The following ZNF627 variants were observed in gnomAD, a reference collection of about 807,000 sequenced individuals.
ZNF627 encodes zinc finger protein 627.
A neutral mutation model predicts 10.6 loss-of-function variants in ZNF627; 12 were observed. The ratio of observed to expected loss-of-function variants is 1.13; its 90% CI spans 0.73 to 1.84. The LOEUF (loss-of-function observed/expected upper bound fraction) is 1.84. ZNF627 is among the 40% of genes most tolerant of loss of function. The pLI, the probability that ZNF627 is intolerant of heterozygous loss-of-function variation, is 0.00. For synonymous variants in ZNF627, 176 were observed against 187.1 expected, an observed-to-expected ratio of 0.94 and a Z score of 0.48; for missense variants, 504 against 568.4, an observed-to-expected ratio of 0.89 and a Z score of 1.15.
chr19:11,610,662 T>C (rs1456909338), intron 1 of ZNF627, among the ~76,000 whole-genome samples: 1 of 152,132 alleles, frequency 6.6e-6, no homozygotes, highest in Non-Finnish European at 1.5e-5. Flanking sequence ...CAGGGCAACT[T>C]GAATCTGTAC....
chr19:11,617,519 T>C lies in ZNF627; in HGVS notation c.1016T>C (p.Val339Ala). Reference sequence around the variant, plus strand: ...GGCAATGGACCTTATAAATGTAAGGTGTGTGGGAAAGCCTTTGATTTCCCC... The same window carrying C: ...GGCAATGGACCTTATAAATGTAAGGCGTGTGGGAAAGCCTTTGATTTCCCC... ...HTGNGPYKCK[V>A]CGKAFDFPSS... The change falls in exon 4 of 4, where the codon GTG becomes GCG. Residue 339 changes from valine (V) to alanine (A), a missense_variant. Val to Ala is a moderately conservative substitution (Grantham distance 64). Coordinates refer to ENST00000361113, the MANE Select transcript of ZNF627 (RefSeq NM_145295.4). The C allele has an allele frequency of 6.2e-7, 1 of 1,613,204 alleles. No individual in the cohort carries two copies. Among genetic ancestry groups the C allele is most frequent in the Non-Finnish European group, 8.5e-7 (1 of 1,179,778 alleles).
At chr19:11,609,648 G>C (rs1329928546) in intron 1 of ZNF627, among the ~76,000 whole-genome samples, 1 of 151,046 alleles carries the variant, frequency 6.6e-6, no homozygotes, top group Admixed American at 6.6e-5. Context: ...CTCCCAGGTA[G>C]CTGGGATTAC....
chr19:11,610,395 A>G (rs1380453536), intron 1 of ZNF627, among the ~76,000 whole-genome samples: 3 of 151,830 alleles, frequency 2.0e-5, no homozygotes, highest in African/African-American at 4.8e-5. Context: ...GTTTTTGTTT[A>G]CTTTATGACA....
chr19:11,607,138 T>C (rs951813689), intron 1 of ZNF627, among the ~76,000 whole-genome samples: 2 of 152,148 alleles, frequency 1.3e-5, no homozygotes, highest in Non-Finnish European at 2.9e-5. Context: ...GTTTTTCTTT[T>C]CTTTTCTTTT....
At chr19:11,600,658 A>T (rs1016696611) in intron 1 of ZNF627, among the ~76,000 whole-genome samples, 4 of 152,158 alleles carry the variant, frequency 2.6e-5, no homozygotes, top group African/African-American at 9.7e-5. Flanking sequence ...TAAATTGGTG[A>T]ATTACAGAGA....
chr19:11,612,041 G>A (rs1276740150), intron 1 of ZNF627, among the ~76,000 whole-genome samples: 1 of 146,442 alleles, frequency 6.8e-6, no homozygotes, highest in Non-Finnish European at 1.5e-5. Flanking sequence ...TCTAAGAGTT[G>A]TTTAGTTTTA....
At position 11,617,480 on chromosome 19, in the gene ZNF627, T is replaced by C. The variant is rs201652770; in HGVS notation, c.977T>C (p.Met326Thr). ...TGTCTTGCAAGTGTTAGAAGACACA[T>C]GATAAAGCACACTGGCAATGGACCT... ...LTCLASVRRH[M>T]IKHTGNGPYK... The change falls in exon 4 of 4, where the codon ATG (methionine) becomes ACG (threonine). Residue 326 changes from methionine (M) to threonine (T), a missense_variant. By Grantham distance (81) the Met-to-Thr change is moderately conservative. Transcript: ENST00000361113. 6.2e-7 allele frequency: 1 copy of C among 1,613,660 alleles called. No individual in the cohort carries two copies. Among genetic ancestry groups the C allele is most frequent in the East Asian group, 2.2e-5 (1 of 44,816 alleles).
Position 11,616,816 on chromosome 19 carries a change from G to T in ZNF627, c.313G>T (p.Val105Leu). The T allele has an allele frequency of 6.2e-7, 1 of 1,614,102 alleles. No individual in the cohort carries two copies. The highest frequency in any genetic ancestry group is 8.5e-7 in the Non-Finnish European group (1 of 1,179,998). ...TPGVKPCESS[V>L]CGEVGMGPSS... ...TGGAGTAAAACCGTGTGAAAGCAGTGTGTGTGGAGAAGTTGGCATGGGTCC... is the reference window on the plus strand; with the variant it reads ...TGGAGTAAAACCGTGTGAAAGCAGTTTGTGTGGAGAAGTTGGCATGGGTCC... The change falls in exon 4 of 4, where the codon GTG becomes TTG. Residue 105 changes from valine to leucine, a missense_variant. Coordinates refer to ENST00000361113, the MANE Select transcript of ZNF627 (RefSeq NM_145295.4).
Position 11,616,736 on chromosome 19 carries a change from A to G in ZNF627, c.233A>G (p.Gln78Arg), listed in dbSNP as rs763587841. Residue 78 changes from glutamine to arginine, a missense_variant, in exon 4 of 4, where the codon CAA becomes CGA. Gln to Arg is a conservative substitution (Grantham distance 43). Coordinates refer to ENST00000361113, the MANE Select transcript of ZNF627 (RefSeq NM_145295.4). ...CTCTGTGAAAGTAAAGAAGGTGGTC[A>G]AGGTGAAGAAACCTTCAGCCAGATT... ...ERLCESKEGGQGEETFSQIPD... is the reference protein window; with the variant it reads ...ERLCESKEGGRGEETFSQIPD... 1.1e-5 allele frequency: 18 copies of G among 1,608,106 alleles called. No homozygotes were observed. Among genetic ancestry groups the G allele is most frequent in the Non-Finnish European group, 1.5e-5 (18 of 1,176,574 alleles).
intron 1 of ZNF627, among the ~76,000 whole-genome samples, chr19:11,600,617 T>G (rs1973569151): frequency 6.6e-6 from 1 of 151,812 alleles, no homozygotes; most frequent in Non-Finnish European, 1.5e-5. Context: ...CTGCAGAAAA[T>G]GAATACATTT....
intron 1 of ZNF627, among the ~76,000 whole-genome samples, chr19:11,606,241 G>A (rs1218715598): frequency 5.3e-5 from 8 of 151,940 alleles, no homozygotes; most frequent in Non-Finnish European, 4.4e-5. Context: ...GGAGGCTGAG[G>A]CAGGAGAATT....
chr19:11,614,036 C>G (rs370408033), intron 1 of ZNF627, among the ~76,000 whole-genome samples: 1 of 151,170 alleles, frequency 6.6e-6, no homozygotes, highest in Non-Finnish European at 1.5e-5. Flanking sequence ...ATTCTTCTAC[C>G]TCAGCCTCCT....
At chr19:11,604,799 C>T (rs1973645825) in intron 1 of ZNF627, among the ~76,000 whole-genome samples, 1 of 152,164 alleles carries the variant, frequency 6.6e-6, no homozygotes. Context: ...AGATTGAATT[C>T]AGCCTTGAAT....
At chr19:11,614,428 T>C in intron 1 of ZNF627, 99 bp from the exon 2 acceptor site, 5 of 1,548,438 alleles carry the variant, frequency 3.2e-6, no homozygotes, top group Non-Finnish European at 4.4e-6. Flanking sequence ...AATAAATGTT[T>C]GGAAAGCATA....
chr19:11,598,380 T>A (rs1313943486), intron 1 of ZNF627, among the ~76,000 whole-genome samples: 2 of 152,152 alleles, frequency 1.3e-5, no homozygotes, highest in African/African-American at 4.8e-5. Flanking sequence ...TAATTTTTTT[T>A]AAATGAACAT....
intron 1 of ZNF627, among the ~76,000 whole-genome samples, chr19:11,608,137 G>C (rs1432686659): frequency 6.6e-6 from 1 of 152,146 alleles, no homozygotes; most frequent in Admixed American, 6.6e-5. Flanking sequence ...AGCGAAGAGT[G>C]GCAAAAGCCA....
intron 1 of ZNF627, among the ~76,000 whole-genome samples, chr19:11,609,189 T>G (rs1296420723): frequency 6.6e-6 from 1 of 151,986 alleles, no homozygotes; most frequent in Non-Finnish European, 1.5e-5. Flanking sequence ...TTATTAATTG[T>G]GGCTATAAAA....
chr19:11,609,794 A>C (rs117879880), intron 1 of ZNF627, among the ~76,000 whole-genome samples: 13,357 of 151,886 alleles, frequency 0.088, 734 homozygotes, highest in Middle Eastern at 0.14. Flanking sequence ...CTGAGACTGC[A>C]GGCGTGAGCC....
Position 11,615,716 on chromosome 19 carries a change from C to CTTTT in ZNF627, c.191+843_191+846dup, listed in dbSNP as rs773368615. 1.6e-4 allele frequency among the ~76,000 whole-genome samples: 21 copies of CTTTT among 131,464 alleles called. 1 individual carries two copies. Among genetic ancestry groups the CTTTT allele is most frequent in the East Asian group, 1.6e-3 (7 of 4,450 alleles). 86.2% of individuals were successfully genotyped at this position (131,464 alleles called of 152,430 possible). ...GTATTAAGAAACTTCATACGAATATCTTTTTTTTTTTTTTTTTGAGAGGGA... is the reference window on the plus strand; with the variant it reads ...GTATTAAGAAACTTCATACGAATATCTTTTTTTTTTTTTTTTTTTTTGAGAGGGA... On this transcript the variant is annotated intron_variant, in intron 3 of 3. Transcript: ENST00000361113.
Sources: allele counts gnomAD v4.1 joint callset (sites outside exome capture counted in the v4.1 genomes callset), GRCh38; gene constraint gnomAD v4.1.1; transcripts MANE v1.5; gene names NCBI Gene and HGNC (gene_info 2026-07-23, HGNC 2026-07-21).